The following MECOM variants were observed in gnomAD, a reference collection of about 807,000 sequenced individuals.
MECOM encodes histone-lysine N-methyltransferase MECOM.
A neutral mutation model predicts 116.3 loss-of-function variants in MECOM; 13 were observed. That is an observed-to-expected ratio of 0.11 (90% CI 0.07 to 0.18). The LOEUF is 0.18. Among genes scored for constraint, MECOM ranks in the 10% least tolerant of loss-of-function variants. MECOM has a pLI of 1.00. For missense variants in MECOM, 1,299 were observed against 1,509.0 expected (o/e 0.86, Z 2.31); for synonymous variants, 528 against 535.2 (o/e 0.99, Z 0.19).
rs1312157069 is a variant in MECOM, at chr3:169,131,436, A to G, written c.606T>C (p.Asp202=). ...GGCGTGAGTGGTACTAACCGTGGAT[A>G]TCCGGCGCCATAGTTTCATGGGGAT... ...EDYPHETMAP[D]IHEERQYRCE... Residue 202 remains aspartate, a synonymous_variant, in exon 4 of 17, where the codon GAT becomes GAC. Transcript: ENST00000651503. 2 of 1,613,982 alleles carry G rather than the reference A, an allele frequency of 1.2e-6. No homozygotes were observed. Among genetic ancestry groups the G allele is most frequent in the Non-Finnish European group, 1.7e-6 (2 of 1,179,904 alleles).
chr3:169,322,657 C>T (rs1025541406), intron 2 of MECOM, among the ~76,000 whole-genome samples: 2 of 151,994 alleles, frequency 1.3e-5, no homozygotes, highest in African/African-American at 4.8e-5. Flanking sequence ...ACAGCAAATG[C>T]CAATGAGTAC....
At chr3:169,554,292 T>C (rs1197460681) in intron 1 of MECOM, among the ~76,000 whole-genome samples, 7 of 152,148 alleles carry the variant, frequency 4.6e-5, no homozygotes, top group Admixed American at 2.0e-4. Flanking sequence ...GACCACTATA[T>C]GAGGGAAAAA....
intron 5 of MECOM, among the ~76,000 whole-genome samples, chr3:169,127,135 T>C (rs1733132019): frequency 6.6e-6 from 1 of 152,112 alleles, no homozygotes; most frequent in South Asian, 2.1e-4. Context: ...CATTCTGTAG[T>C]ACAATTAGTA....
At chr3:169,285,806 G>A (rs1389409497) in intron 2 of MECOM, among the ~76,000 whole-genome samples, 15 of 152,156 alleles carry the variant, frequency 9.9e-5, no homozygotes, top group Admixed American at 6.6e-5. Flanking sequence ...TTCCTTGGGG[G>A]AATGCATTCC....
chr3:169,171,611 G>C (rs1425952152), intron 2 of MECOM, among the ~76,000 whole-genome samples: 1 of 152,008 alleles, frequency 6.6e-6, no homozygotes, highest in African/African-American at 2.4e-5. Context: ...AATTATAAAT[G>C]AAATAAATAA....
At chr3:169,297,901 T>C (rs1254881310) in intron 2 of MECOM, among the ~76,000 whole-genome samples, 1 of 152,198 alleles carries the variant, frequency 6.6e-6, no homozygotes, top group Non-Finnish European at 1.5e-5. Context: ...TTTGATACCA[T>C]AAACAGAAAC....
intron 1 of MECOM, among the ~76,000 whole-genome samples, chr3:169,660,198 G>A (rs1168861976): frequency 6.6e-6 from 1 of 152,180 alleles, no homozygotes; most frequent in East Asian, 1.9e-4. Context: ...AAACGGCTGG[G>A]AAGTCTCCCC....
intron 2 of MECOM, among the ~76,000 whole-genome samples, chr3:169,317,327 G>GT (rs1719932736): frequency 6.6e-6 from 1 of 151,884 alleles, no homozygotes; most frequent in Admixed American, 6.5e-5. Context: ...GTGGCTGGAG[G>GT]TTTTTTTCTT....
chr3:169,627,014 G>T (rs1392852484), intron 1 of MECOM, among the ~76,000 whole-genome samples: 2 of 152,050 alleles, frequency 1.3e-5, no homozygotes, highest in Admixed American at 6.6e-5. Flanking sequence ...CACTAAAATT[G>T]CTGATGTTGG....
chr3:169,378,060 G>C (rs1198453395), intron 2 of MECOM, among the ~76,000 whole-genome samples: 1 of 151,620 alleles, frequency 6.6e-6, no homozygotes, highest in Non-Finnish European at 1.5e-5. Context: ...TTCTCAGCAA[G>C]CCAACACAGA....
At chr3:169,261,749 A>AAGG (rs976359403) in intron 2 of MECOM, among the ~76,000 whole-genome samples, 1 of 146,734 alleles carries the variant, frequency 6.8e-6, no homozygotes, top group Non-Finnish European at 1.5e-5. Flanking sequence ...AGGAGAAAAG[A>AAGG]AGAAGAAGAA....
At chr3:169,352,684 G>A (rs957404572) in intron 2 of MECOM, among the ~76,000 whole-genome samples, 1 of 151,854 alleles carries the variant, frequency 6.6e-6, no homozygotes, top group Non-Finnish European at 1.5e-5. Flanking sequence ...GCTTAGAAGT[G>A]ACAATCATAA....
chr3:169,253,443 A>G (rs784288), intron 2 of MECOM, among the ~76,000 whole-genome samples: 73,734 of 150,508 alleles, frequency 0.49, 18,921 homozygotes, highest in East Asian at 0.71. Context: ...AGTTGTTTTG[A>G]ATACACAGCA....
rs1560196320 is a variant in MECOM at position 169,378,430 on chromosome 3, AAAGAAAGAAAGAAAGAAAGAAG to A, written c.375+2735_375+2756del. ...GAAAGAAAGAAAGAAAGAAAGAAAG[AAAGAAAGAAAGAAAGAAAGAAG>A]GAAAGCAAGCAAGCAAGCAAGCAAG... On this transcript the variant is annotated intron_variant, in intron 2 of 16. Transcript: ENST00000651503. Among the ~76,000 whole-genome samples, 141 of 78,942 alleles carry A rather than the reference AAAGAAAGAAAGAAAGAAAGAAG, an allele frequency of 1.8e-3. 2 individuals are homozygous for A. Among genetic ancestry groups the A allele is most frequent in the African/African-American group, 0.012 (138 of 11,716 alleles). 51.8% of individuals were successfully genotyped at this position (78,942 alleles called of 152,430 possible). A position where few individuals can be genotyped will look rare whatever the true frequency, so the allele number is the denominator to read the frequency against.
At chr3:169,127,742 T>C in intron 5 of MECOM, 102 bp downstream of exon 5, 1 of 881,168 alleles carries the variant, frequency 1.1e-6, no homozygotes. Context: ...TTTGTCCAGC[T>C]CACTGGAGTT....
intron 1 of MECOM, among the ~76,000 whole-genome samples, chr3:169,479,986 T>G (rs1488649714): frequency 2.6e-5 from 4 of 152,222 alleles, no homozygotes; most frequent in Admixed American, 6.5e-5. Context: ...GAGGCCTGAA[T>G]GCTAATCCAT....
At chr3:169,520,221 G>A (rs1463718730) in intron 1 of MECOM, among the ~76,000 whole-genome samples, 2 of 152,192 alleles carry the variant, frequency 1.3e-5, no homozygotes, top group Non-Finnish European at 2.9e-5. Context: ...CATTGCTGAA[G>A]CCAAATGTTC....
At chr3:169,215,755 T>C (rs1751348495) in intron 2 of MECOM, among the ~76,000 whole-genome samples, 2 of 152,188 alleles carry the variant, frequency 1.3e-5, no homozygotes, top group Admixed American at 6.5e-5. Context: ...CTTTCTATCC[T>C]ACAGAAGGCC....
intron 1 of MECOM, among the ~76,000 whole-genome samples, chr3:169,576,838 C>CACAG (rs368016499): frequency 0.011 from 1,418 of 124,962 alleles, 17 homozygotes; most frequent in African/African-American, 0.026. Context: ...CACACACACA[C>CACAG]AGAGAGAGAG....
Sources: gnomAD v4.1 joint callset for allele counts (sites outside exome capture counted in the v4.1 genomes callset) on GRCh38, gnomAD v4.1.1 for gene constraint, MANE v1.5 for transcripts, NCBI Gene and HGNC (gene_info 2026-07-23, HGNC 2026-07-21) for gene names.